Variants in FLI1 observed in about 807,000 individuals in gnomAD.
The protein encoded by FLI1 is Friend leukemia integration 1 transcription factor.
A neutral mutation model predicts 53.1 loss-of-function variants in FLI1; 13 were observed. The observed-to-expected ratio is 0.24, with a 90% CI of 0.16 to 0.39. The LOEUF (loss-of-function observed/expected upper bound fraction) is 0.39. Ranked by LOEUF, FLI1 falls within the 10% of genes least tolerant of loss-of-function variation. The probability of loss-of-function intolerance (pLI) is 1.00; values close to 1 mark genes in which losing one functional copy is unlikely to be tolerated. For synonymous variants in FLI1, 244 were observed against 236.7 expected (o/e 1.03, Z -0.28); for missense variants, 424 against 600.5 (o/e 0.71, Z 3.07).
intron 1 of FLI1, among the ~76,000 whole-genome samples, chr11:128,731,158 G>T (rs1189739225): frequency 6.6e-6 from 1 of 152,256 alleles, no homozygotes; most frequent in Non-Finnish European, 1.5e-5. Context: ...AGCTTGCACA[G>T]GTTTGAAGGT....
Position 128,715,527 on chromosome 11 carries a change from T to C in FLI1, c.18+21251T>C, listed in dbSNP as rs189386694. Among the ~76,000 whole-genome samples the C allele has an allele frequency of 3.3e-4, 51 of 152,336 alleles. 1 individual carries two copies. Among genetic ancestry groups the C allele is most frequent in the Middle Eastern group, 6.8e-3 (2 of 294 alleles). On this transcript the variant is annotated intron_variant, in intron 1 of 8. Coordinates refer to ENST00000527786, the MANE Select transcript of FLI1 (RefSeq NM_002017.5). Reference sequence around the variant, plus strand: ...CATGGGACTACCAGGACCGAGGCTATATTTTATTAATAAGATCTCAATTTG... The same window carrying C: ...CATGGGACTACCAGGACCGAGGCTACATTTTATTAATAAGATCTCAATTTG...
In FLI1 at chr11:128,741,732, C is replaced by A. The variant is rs559741870; in HGVS notation, c.19-16383C>A. ...GTGTTAATGCCTTTGCCCCTCCCCC[C>A]GATTCCTGCTCAGTTCACGGCTTTC... On this transcript the variant is annotated intron_variant, in intron 1 of 8. Transcript: ENST00000527786. 1.1e-3 allele frequency among the ~76,000 whole-genome samples: 160 copies of A among 152,318 alleles called. 1 individual carries two copies. Among genetic ancestry groups the A allele is most frequent in the African/African-American group, 3.5e-3 (145 of 41,584 alleles).
intron 2 of FLI1, among the ~76,000 whole-genome samples, chr11:128,760,482 A>ATGCTT (rs1370697345): frequency 3.4e-5 from 5 of 149,220 alleles, no homozygotes; most frequent in Admixed American, 6.6e-5. Context: ...GGAGCTCCCA[A>ATGCTT]TGCTTGTTGA....
rs58508805 is a variant in FLI1, at chr11:128,753,687, C to T, written c.19-4428C>T. 6.8e-3 allele frequency among the ~76,000 whole-genome samples: 1,041 copies of T among 152,332 alleles called. 13 individuals carry two copies. The highest frequency in any genetic ancestry group is 0.023 in the African/African-American group (976 of 41,578). Reference sequence around the variant, plus strand: ...AGACACACATGAAGTAGCAACAGCTCCTCATGTGTAACAAGCTGCAAATAA... The same window carrying T: ...AGACACACATGAAGTAGCAACAGCTTCTCATGTGTAACAAGCTGCAAATAA... On this transcript the variant is annotated intron_variant, in intron 1 of 8. Transcript: ENST00000527786.
At chr11:128,781,276 G>A (rs1026398445) in intron 4 of FLI1, among the ~76,000 whole-genome samples, 1 of 152,156 alleles carries the variant, frequency 6.6e-6, no homozygotes, top group Non-Finnish European at 1.5e-5. Context: ...ACATACCTGT[G>A]TACCTTACCC....
upstream of FLI1, chr11:128,686,458 G>A (rs565802031): frequency 4.4e-6 from 2 of 456,380 alleles, no homozygotes; most frequent in African/African-American, 4.0e-5. Context: ...GGACTGAGGC[G>A]TAGGGAGAGT....
intron 2 of FLI1, chr11:128,764,665 A>G (rs1941259864): frequency 6.5e-7 from 1 of 1,534,902 alleles, no homozygotes; most frequent in Non-Finnish European, 8.7e-7. Context: ...CAGCTGCCTC[A>G]TTAAAGAGCA....
At chr11:128,775,212 C>G (rs115778237) in intron 4 of FLI1, among the ~76,000 whole-genome samples, 1 of 152,166 alleles carries the variant, frequency 6.6e-6, no homozygotes, top group African/African-American at 2.4e-5. Context: ...AGTAGTTGTT[C>G]TGCCATTGAA....
chr11:128,785,797 T>C (rs1161015161), intron 5 of FLI1, among the ~76,000 whole-genome samples: 1 of 152,208 alleles, frequency 6.6e-6, no homozygotes, highest in African/African-American at 2.4e-5. Context: ...AACTGTCAAC[T>C]TTGTAGAGCC....
At chr11:128,728,436 C>T (rs1468849049) in intron 1 of FLI1, among the ~76,000 whole-genome samples, 1 of 152,286 alleles carries the variant, frequency 6.6e-6, no homozygotes, top group African/African-American at 2.4e-5. Flanking sequence ...ACCTCTGGAG[C>T]TGGACCGCCC....
Position 128,746,066 on chromosome 11 carries a change from G to A in FLI1, c.19-12049G>A, listed in dbSNP as rs185331689. 1.1e-3 allele frequency among the ~76,000 whole-genome samples: 166 copies of A among 152,322 alleles called. 1 individual carries two copies. Among genetic ancestry groups the A allele is most frequent in the Non-Finnish European group, 2.0e-3 (139 of 68,024 alleles). On this transcript the variant is annotated intron_variant, in intron 1 of 8. Transcript: ENST00000527786. ...AAAGAAAATTAGGCAAGCCTTGGGG[G>A]AAGGCTTCATCAAAATTACTCAAAG...
At chr11:128,752,814 T>C (rs1397381261) in intron 1 of FLI1, among the ~76,000 whole-genome samples, 1 of 152,218 alleles carries the variant, frequency 6.6e-6, no homozygotes, top group African/African-American at 2.4e-5. Context: ...CTTTTATCTG[T>C]TTTCTGTAAC....
chr11:128,775,198 G>A (rs1217217889), intron 4 of FLI1, among the ~76,000 whole-genome samples: 6 of 152,084 alleles, frequency 3.9e-5, no homozygotes, highest in Non-Finnish European at 5.9e-5. Context: ...TCCACAAGAT[G>A]GGAAGTAGTT....
chr11:128,790,253 A>ATTTTTT (rs34130629), intron 5 of FLI1, among the ~76,000 whole-genome samples: 2 of 141,318 alleles, frequency 1.4e-5, no homozygotes, highest in African/African-American at 5.3e-5. Context: ...GGAGAGTTGC[A>ATTTTTT]TTTTTTTTTT....
At chr11:128,743,973 G>T (rs960883818) in intron 1 of FLI1, among the ~76,000 whole-genome samples, 6 of 152,216 alleles carry the variant, frequency 3.9e-5, no homozygotes, top group Admixed American at 3.9e-4. Flanking sequence ...GTCAGTGACT[G>T]TCTCCAGGGT....
chr11:128,761,091 T>TGATATCCTCTCTACTGCCCCCTCC (rs1941100450), intron 2 of FLI1, among the ~76,000 whole-genome samples: 1 of 152,192 alleles, frequency 6.6e-6, no homozygotes, highest in Non-Finnish European at 1.5e-5. Context: ...ACCATCCCTC[T>TGATATCCTCTCTACTGCCCCCTCC]GACATCCTCT....
In FLI1 at chr11:128,706,430, G is replaced by T. The variant is rs115754933; in HGVS notation, c.18+12154G>T. 3.4e-3 allele frequency among the ~76,000 whole-genome samples: 514 copies of T among 152,270 alleles called. 1 individual carries two copies. Among genetic ancestry groups the T allele is most frequent in the African/African-American group, 0.012 (491 of 41,546 alleles). On this transcript the variant is annotated intron_variant, in intron 1 of 8. Coordinates refer to ENST00000527786, the MANE Select transcript of FLI1 (RefSeq NM_002017.5). ...GTAACAAGGGAGCACTGTTAAGAAA[G>T]TTGCTTGTTTCTCTGTCATATCTCC...
At chr11:128,799,046 A>ATTTTTT (rs759935387) in intron 5 of FLI1, among the ~76,000 whole-genome samples, 14 of 135,806 alleles carry the variant, frequency 1.0e-4, no homozygotes, top group Admixed American at 1.5e-4. Context: ...TATTATTATT[A>ATTTTTT]TTATTATTTT....
Position 128,746,001 on chromosome 11 carries a change from A to G in FLI1, c.19-12114A>G, listed in dbSNP as rs181137183. 5.3e-3 allele frequency among the ~76,000 whole-genome samples: 814 copies of G among 152,324 alleles called. 15 individuals are homozygous for G. The highest frequency in any genetic ancestry group is 0.019 in the African/African-American group (777 of 41,562). ...GAAAGTGGTCAGTGGCTTCATGTTT[A>G]AATTTGAACAAGAAACAGTCACTGG... On this transcript the variant is annotated intron_variant, in intron 1 of 8. Coordinates refer to ENST00000527786, the MANE Select transcript of FLI1 (RefSeq NM_002017.5).
Sources: allele counts gnomAD v4.1 joint callset (sites outside exome capture counted in the v4.1 genomes callset), GRCh38; gene constraint gnomAD v4.1.1; transcripts MANE v1.5; gene names NCBI Gene and HGNC (gene_info 2026-07-23, HGNC 2026-07-21).